Variants in XPR1 observed in about 807,000 individuals in gnomAD.
XPR1 encodes the protein solute carrier family 53 member 1.
In XPR1, 28 loss-of-function variants were observed where a neutral mutation model predicts 87.5. The observed-to-expected ratio is 0.32, with a 90% CI of 0.24 to 0.44. The LOEUF (loss-of-function observed/expected upper bound fraction) is 0.44, where lower values mean the gene tolerates loss of function less well. Ranked by LOEUF, XPR1 falls within the 20% of genes least tolerant of loss-of-function variation. XPR1 has a pLI of 1.00. For synonymous variants in XPR1, 300 were observed against 306.1 expected, an observed-to-expected ratio of 0.98 and a Z score of 0.21; for missense variants, 559 against 862.3, an observed-to-expected ratio of 0.65 and a Z score of 4.41.
chr1:180,886,916 G>A lies in XPR1; in HGVS notation c.*2850G>A. On this transcript the variant is annotated 3_prime_UTR_variant, in exon 15 of 15. Coordinates refer to ENST00000367590, the MANE Select transcript of XPR1 (RefSeq NM_004736.4). ...CAGCTGGGCGCAGTGGCTCACGTCT[G>A]TAATCCCAGCACTTTGGGAGGCCAA... is the stretch of plus-strand genomic sequence containing the variant. 1 of 152,418 alleles carries A rather than the reference G, an allele frequency of 6.6e-6. No homozygotes were observed. Among genetic ancestry groups the A allele is most frequent in the Non-Finnish European group, 1.5e-5 (1 of 68,102 alleles). 9.4% of individuals were successfully genotyped at this position (152,418 alleles called of 1,614,324 possible).
intron 1 of XPR1, among the ~76,000 whole-genome samples, chr1:180,659,405 T>G (rs1165304719): frequency 2.6e-4 from 31 of 120,200 alleles, no homozygotes; most frequent in African/African-American, 4.1e-4. Context: ...CCTTCCTTCC[T>G]TCCTTCCTTC....
At chr1:180,713,199 CA>C (rs919521629) in intron 2 of XPR1, among the ~76,000 whole-genome samples, 1 of 152,080 alleles carries the variant, frequency 6.6e-6, no homozygotes, top group Non-Finnish European at 1.5e-5. Flanking sequence ...GGGTTTTCCA[CA>C]TCTTTAATCA....
At chr1:180,839,077 G>A (rs1651410510) in intron 11 of XPR1, among the ~76,000 whole-genome samples, 1 of 152,082 alleles carries the variant, frequency 6.6e-6, no homozygotes, top group Non-Finnish European at 1.5e-5. Context: ...TTGTGGCTAT[G>A]CAGATGAGAA....
At chr1:180,771,903 T>C (rs938742533) in intron 2 of XPR1, among the ~76,000 whole-genome samples, 14 of 152,192 alleles carry the variant, frequency 9.2e-5, no homozygotes, top group African/African-American at 3.4e-4. Flanking sequence ...TGTTTCTCCC[T>C]TTGGATTGAT....
rs114872945 is a variant in XPR1, at chr1:180,640,105, A to G, written c.69+7835A>G. 3.4e-3 allele frequency among the ~76,000 whole-genome samples: 525 copies of G among 152,336 alleles called. 4 individuals are homozygous for G. Among genetic ancestry groups the G allele is most frequent in the African/African-American group, 0.012 (516 of 41,580 alleles). On this transcript the variant is annotated intron_variant, in intron 1 of 14. Coordinates refer to ENST00000367590, the MANE Select transcript of XPR1 (RefSeq NM_004736.4). ...AGTTTTGTAAGATAGATGATTTATTATCTCCATTTTACTGATGAGGAAACC... is the reference window on the plus strand; with the variant it reads ...AGTTTTGTAAGATAGATGATTTATTGTCTCCATTTTACTGATGAGGAAACC...
At chr1:180,708,567 G>T (rs1657635875) in intron 2 of XPR1, among the ~76,000 whole-genome samples, 1 of 150,804 alleles carries the variant, frequency 6.6e-6, no homozygotes, top group Non-Finnish European at 1.5e-5. Flanking sequence ...TTTTAGTGGA[G>T]ATTTTATTGC....
intron 2 of XPR1, among the ~76,000 whole-genome samples, chr1:180,764,087 C>T (rs1648171816): frequency 6.6e-6 from 1 of 152,128 alleles, no homozygotes; most frequent in African/African-American, 2.4e-5. Context: ...GATTGCTTGT[C>T]ATTATAGTGT....
At chr1:180,745,336 GAGAGAGAGAC>G (rs1212587274) in intron 2 of XPR1, among the ~76,000 whole-genome samples, 2 of 152,188 alleles carry the variant, frequency 1.3e-5, no homozygotes, top group African/African-American at 2.4e-5. Flanking sequence ...GGGAGGGGAA[GAGAGAGAGAC>G]AGAGAGAGAC....
intron 11 of XPR1, among the ~76,000 whole-genome samples, chr1:180,850,040 T>C (rs1283301738): frequency 6.6e-6 from 1 of 152,240 alleles, no homozygotes; most frequent in African/African-American, 2.4e-5. Flanking sequence ...AGTGGATTGA[T>C]ACTGCAGTTG....
chr1:180,770,999 A>G (rs542913112), intron 2 of XPR1, among the ~76,000 whole-genome samples: 1 of 152,218 alleles, frequency 6.6e-6, no homozygotes, highest in African/African-American at 2.4e-5. Flanking sequence ...GTGCTCCCCT[A>G]GCATTCTGTG....
At chr1:180,814,855 GAGA>G (rs1192956936) in intron 7 of XPR1, among the ~76,000 whole-genome samples, 9 of 152,188 alleles carry the variant, frequency 5.9e-5, no homozygotes, top group African/African-American at 1.9e-4. Context: ...GCCATTTCGA[GAGA>G]AGGAGACAGT....
At chr1:180,706,534 A>G (rs185775918) in intron 2 of XPR1, among the ~76,000 whole-genome samples, 2 of 152,372 alleles carry the variant, frequency 1.3e-5, no homozygotes, top group African/African-American at 2.4e-5. Flanking sequence ...GAAAATTCAC[A>G]TAACACAAAA....
chr1:180,684,018 T>C (rs1656678097), intron 2 of XPR1, among the ~76,000 whole-genome samples: 3 of 152,358 alleles, frequency 2.0e-5, no homozygotes, highest in Admixed American at 1.3e-4. Flanking sequence ...TTTGGTGTTT[T>C]AGACATGAAG....
chr1:180,807,205 A>G (rs185746925), intron 6 of XPR1, among the ~76,000 whole-genome samples: 2 of 152,352 alleles, frequency 1.3e-5, no homozygotes, highest in Admixed American at 1.3e-4. Flanking sequence ...GCTGGAGATT[A>G]TAGCCAGTGC....
At chr1:180,725,546 C>T (rs1329374983) in intron 2 of XPR1, among the ~76,000 whole-genome samples, 1 of 152,176 alleles carries the variant, frequency 6.6e-6, no homozygotes, top group African/African-American at 2.4e-5. Context: ...CACTGTTTGG[C>T]TTTGCTTCCC....
chr1:180,711,228 C>G (rs1657773725), intron 2 of XPR1, among the ~76,000 whole-genome samples: 1 of 152,138 alleles, frequency 6.6e-6, no homozygotes, highest in Non-Finnish European at 1.5e-5. Context: ...CGGGCAGAGG[C>G]TGCAATCTCG....
At chr1:180,703,143 A>G (rs1265272834) in intron 2 of XPR1, among the ~76,000 whole-genome samples, 2 of 152,150 alleles carry the variant, frequency 1.3e-5, no homozygotes, top group African/African-American at 4.8e-5. Context: ...AAAACACTAG[A>G]CCAGCTAGTC....
intron 2 of XPR1, among the ~76,000 whole-genome samples, chr1:180,728,763 A>T (rs1249533413): frequency 6.6e-6 from 1 of 152,260 alleles, no homozygotes; most frequent in Non-Finnish European, 1.5e-5. Flanking sequence ...AAATGGCCTC[A>T]TATCAGACTT....
At chr1:180,644,026 A>AG (rs1655035010) in intron 1 of XPR1, among the ~76,000 whole-genome samples, 1 of 152,154 alleles carries the variant, frequency 6.6e-6, no homozygotes, top group African/African-American at 2.4e-5. Context: ...AATAGTATAT[A>AG]ACTAAGTGAT....
Sources: allele counts gnomAD v4.1 joint callset (sites outside exome capture counted in the v4.1 genomes callset), GRCh38; gene constraint gnomAD v4.1.1; transcripts MANE v1.5; gene names NCBI Gene and HGNC (gene_info 2026-07-23, HGNC 2026-07-21).